NME8: variants seen among roughly 807,000 people sequenced by gnomAD.
NME8 encodes NME/NM23 family member 8, also known as protein NME8.
A neutral mutation model predicts 82.3 loss-of-function variants in NME8; 72 were observed. That is an observed-to-expected ratio of 0.87 (90% CI 0.72 to 1.06). The LOEUF (loss-of-function observed/expected upper bound fraction) is 1.06, where lower values mean the gene tolerates loss of function less well. Ranked by LOEUF, NME8 falls within the 50% of genes least tolerant of loss-of-function variation. The pLI is 0.00. For missense variants in NME8, 712 were observed against 685.4 expected (o/e 1.04, Z -0.43); for synonymous variants, 267 against 228.5 (o/e 1.17, Z -1.52).
chr7:37,860,151 C>T (rs955781136), intron 6 of NME8, among the ~76,000 whole-genome samples: 3 of 152,204 alleles, frequency 2.0e-5, no homozygotes, highest in Admixed American at 6.5e-5. Flanking sequence ...GTATCTTTCT[C>T]ATTGGCTTTT....
rs186068152 is a variant in NME8, at chr7:37,896,926, G to A, written c.1601G>A (p.Arg534Gln). The A allele has an allele frequency of 9.9e-6, 16 of 1,613,850 alleles. No individual in the cohort carries two copies. Among genetic ancestry groups the A allele is most frequent in the South Asian group, 6.6e-5 (6 of 91,072 alleles). ...TGGAATGCTGTTGCAGAATGGAGAC[G>A]ATTGATGGGCCCAACAGACCCAGAA... ...TKWNAVAEWR[R>Q]LMGPTDPEEA... The change falls in exon 17 of 18, where the codon CGA becomes CAA. Residue 534 changes from arginine (R) to glutamine (Q), a missense_variant. Physicochemically the swap from Arg to Gln is conservative, Grantham distance 43. Coordinates refer to ENST00000199447, the MANE Select transcript of NME8 (RefSeq NM_016616.5).
intron 17 of NME8, among the ~76,000 whole-genome samples, chr7:37,897,384 A>G (rs1785246028): frequency 6.6e-6 from 1 of 152,134 alleles, no homozygotes. Context: ...CAACGCACCC[A>G]TTGGTTCACA....
At chr7:37,880,362 A>T (rs2131963200) in intron 12 of NME8, among the ~76,000 whole-genome samples, 1 of 152,206 alleles carries the variant, frequency 6.6e-6, no homozygotes, top group Admixed American at 6.5e-5. Flanking sequence ...ATCCATTTTG[A>T]GTTATTTTTA....
chr7:37,862,815 G>A (rs556965729), intron 7 of NME8, among the ~76,000 whole-genome samples: 34 of 151,930 alleles, frequency 2.2e-4, no homozygotes, highest in Non-Finnish European at 4.6e-4. Flanking sequence ...TATCTCCCAT[G>A]CTCTTATTAA....
intron 11 of NME8, among the ~76,000 whole-genome samples, chr7:37,868,429 CTT>C (rs34146075): frequency 6.6e-6 from 1 of 151,738 alleles, no homozygotes; most frequent in African/African-American, 2.4e-5. Context: ...TTACTTATAA[CTT>C]TTTTTTTAAG....
At chr7:37,884,197 A>G (rs1349254691) in intron 12 of NME8, 106 bp from the exon 13 acceptor site, 6 of 800,812 alleles carry the variant, frequency 7.5e-6, no homozygotes, top group Admixed American at 6.8e-5. Context: ...AAAATTTCGT[A>G]TGAGAATAAA....
At chr7:37,889,572 T>A (rs1785097614) in intron 15 of NME8, among the ~76,000 whole-genome samples, 1 of 152,020 alleles carries the variant, frequency 6.6e-6, no homozygotes, top group Non-Finnish European at 1.5e-5. Flanking sequence ...TGATTATTGA[T>A]AATTAATTAT....
intron 12 of NME8, among the ~76,000 whole-genome samples, chr7:37,883,647 A>G (rs985050710): frequency 2.0e-5 from 3 of 152,210 alleles, no homozygotes; most frequent in African/African-American, 7.2e-5. Flanking sequence ...AGGAAGCAGA[A>G]GATGGTGTAG....
At chr7:37,861,910 A>T (rs1784601985) in intron 6 of NME8, 118 bp from the exon 7 acceptor site, 2 of 781,300 alleles carry the variant, frequency 2.6e-6, no homozygotes, top group South Asian at 1.4e-5. Flanking sequence ...TAGCTAAAAG[A>T]GGATTCATGA....
intron 17 of NME8, among the ~76,000 whole-genome samples, chr7:37,898,517 A>G (rs1404994317): frequency 6.6e-6 from 1 of 152,234 alleles, no homozygotes; most frequent in East Asian, 1.9e-4. Context: ...ATAAAGATAC[A>G]ACGGAATATT....
intron 14 of NME8, among the ~76,000 whole-genome samples, chr7:37,886,827 GC>G (rs1353902961): frequency 6.6e-6 from 1 of 151,360 alleles, no homozygotes; most frequent in African/African-American, 2.4e-5. Context: ...TGTGGGAACA[GC>G]CAAGGGCAGA....
intron 13 of NME8, 151 bp from the exon 14 acceptor site, chr7:37,884,994 A>T (rs1434803192): frequency 3.1e-6 from 2 of 644,306 alleles, no homozygotes; most frequent in East Asian, 5.5e-5. Context: ...AAAACATATC[A>T]ACGGAAAAAA....
intron 15 of NME8, among the ~76,000 whole-genome samples, chr7:37,888,829 C>T (rs907647081): frequency 4.0e-5 from 6 of 151,582 alleles, no homozygotes; most frequent in Admixed American, 1.3e-4. Flanking sequence ...TTTTTAGATA[C>T]GCTATTGGAT....
chr7:37,878,632 A>G (rs1353759535), intron 12 of NME8, among the ~76,000 whole-genome samples: 1 of 152,126 alleles, frequency 6.6e-6, no homozygotes, highest in Non-Finnish European at 1.5e-5. Flanking sequence ...AATGTCTTTT[A>G]ATATTTAAAA....
At chr7:37,859,485 A>C (rs965243713) in intron 6 of NME8, among the ~76,000 whole-genome samples, 1 of 151,888 alleles carries the variant, frequency 6.6e-6, no homozygotes, top group Non-Finnish European at 1.5e-5. Context: ...TCCTTTGGAC[A>C]CTCTCTCCAC....
chr7:37,873,251 T>C (rs770198325), intron 11 of NME8, among the ~76,000 whole-genome samples: 4 of 151,350 alleles, frequency 2.6e-5, no homozygotes, highest in Non-Finnish European at 5.9e-5. Flanking sequence ...TCCCAGCTAC[T>C]TGGGAGGCTG....
At chr7:37,862,767 A>G (rs1784615560) in intron 7 of NME8, among the ~76,000 whole-genome samples, 1 of 151,996 alleles carries the variant, frequency 6.6e-6, no homozygotes, top group South Asian at 2.1e-4. Context: ...ATGTGTTTGC[A>G]GTTTTCTTAT....
chr7:37,898,575 A>T (rs144382390), intron 17 of NME8, among the ~76,000 whole-genome samples: 33 of 152,356 alleles, frequency 2.2e-4, no homozygotes, highest in Admixed American at 3.9e-4. Context: ...TGCAACATGG[A>T]TGAATCTCAA....
intron 5 of NME8, 120 bp downstream of exon 5, chr7:37,850,855 T>A (rs763302949): frequency 8.5e-6 from 6 of 707,816 alleles, no homozygotes; most frequent in Non-Finnish European, 1.5e-5. Context: ...AAATAGATAG[T>A]CTTTACTTGG....
Sources: gnomAD v4.1 joint callset for allele counts (sites outside exome capture counted in the v4.1 genomes callset) on GRCh38, gnomAD v4.1.1 for gene constraint, MANE v1.5 for transcripts, NCBI Gene and HGNC (gene_info 2026-07-23, HGNC 2026-07-21) for gene names.